NXPH1: variants seen among roughly 807,000 people sequenced by gnomAD.
NXPH1 encodes the protein neurexophilin 1.
A neutral mutation model predicts 23.7 loss-of-function variants in NXPH1; 5 were observed. The ratio of observed to expected loss-of-function variants is 0.21; its 90% CI spans 0.11 to 0.44. The LOEUF (loss-of-function observed/expected upper bound fraction) is 0.44. Among genes scored for constraint, NXPH1 ranks in the 20% least tolerant of loss-of-function variants. The pLI is 0.99. For missense variants in NXPH1, 324 were observed against 321.6 expected, an observed-to-expected ratio of 1.01 and a Z score of -0.06; for synonymous variants, 144 against 122.2, an observed-to-expected ratio of 1.18 and a Z score of -1.18.
intron 2 of NXPH1, among the ~76,000 whole-genome samples, chr7:8,546,992 A>T (rs925764521): frequency 6.6e-6 from 1 of 151,460 alleles, no homozygotes; most frequent in Non-Finnish European, 1.5e-5. Context: ...TAATCACTTG[A>T]AATGGGTCAG....
intron 2 of NXPH1, among the ~76,000 whole-genome samples, chr7:8,524,419 T>G (rs10231666): frequency 2.0e-5 from 3 of 151,772 alleles, no homozygotes; most frequent in African/African-American, 7.3e-5. Context: ...ACAGGAGTCT[T>G]TCTGCAGGAT....
intron 2 of NXPH1, among the ~76,000 whole-genome samples, chr7:8,635,792 T>C (rs1457933048): frequency 6.6e-6 from 1 of 152,248 alleles, no homozygotes; most frequent in Non-Finnish European, 1.5e-5. Flanking sequence ...TTTTCTTTTT[T>C]TGACAATTAA....
chr7:8,672,878 C>A (rs996410528), intron 2 of NXPH1, among the ~76,000 whole-genome samples: 1 of 152,148 alleles, frequency 6.6e-6, no homozygotes, highest in African/African-American at 2.4e-5. Flanking sequence ...GTTCTTTCCC[C>A]TGTGTGCTGC....
chr7:8,436,053 A>C (rs1434686342), intron 2 of NXPH1, among the ~76,000 whole-genome samples: 2 of 152,184 alleles, frequency 1.3e-5, no homozygotes, highest in African/African-American at 4.8e-5. Flanking sequence ...GGGGTGCTTT[A>C]TGTGATAGAG....
At chr7:8,718,332 A>G (rs1034027944) in intron 2 of NXPH1, among the ~76,000 whole-genome samples, 3 of 152,208 alleles carry the variant, frequency 2.0e-5, no homozygotes, top group Non-Finnish European at 4.4e-5. Flanking sequence ...AAGTAGGCTT[A>G]GAGCAGTGTA....
intron 2 of NXPH1, among the ~76,000 whole-genome samples, chr7:8,705,482 C>A (rs1779688183): frequency 6.6e-6 from 1 of 152,168 alleles, no homozygotes; most frequent in Non-Finnish European, 1.5e-5. Flanking sequence ...AGTGCCACCA[C>A]CAAAAGCTTG....
At chr7:8,641,289 T>G (rs1820305347) in intron 2 of NXPH1, among the ~76,000 whole-genome samples, 1 of 152,156 alleles carries the variant, frequency 6.6e-6, no homozygotes, top group South Asian at 2.1e-4. Context: ...TATTAAATAA[T>G]AAAAAAGAGT....
intron 2 of NXPH1, among the ~76,000 whole-genome samples, chr7:8,569,888 G>A (rs1433509314): frequency 6.6e-6 from 1 of 151,858 alleles, no homozygotes; most frequent in East Asian, 1.9e-4. Flanking sequence ...GTGTCTATGG[G>A]CATTCACCTC....
In NXPH1 at chr7:8,751,119, A is replaced by G. The variant is rs1248481587; in HGVS notation, c.166A>G (p.Ser56Gly). Residue 56 changes from serine (S) to glycine (G), a missense_variant, in exon 3 of 3, where the codon AGC (serine) becomes GGC (glycine). Physicochemically the swap from Ser to Gly is moderately conservative, Grantham distance 56 (BLOSUM62 0). Coordinates refer to ENST00000405863, the MANE Select transcript of NXPH1 (RefSeq NM_152745.3). The surrounding 1 kb of genome is among the most constrained non-coding windows in gnomAD (Gnocchi z 4.5). Reference protein sequence around the residue: ...WTESSKDLSISRLLSQTFRGK... With the variant: ...WTESSKDLSIGRLLSQTFRGK... ...AGAAAGCAGCAAAGACTTGTCTATC[A>G]GCCGACTCCTGTCACAGACTTTTCG... 2 of 1,613,858 alleles carry G rather than the reference A, an allele frequency of 1.2e-6. No homozygotes were observed. The highest frequency in any genetic ancestry group is 1.7e-6 in the Non-Finnish European group (2 of 1,179,784).
intron 2 of NXPH1, among the ~76,000 whole-genome samples, chr7:8,494,614 C>T (rs1307739172): frequency 2.6e-5 from 4 of 152,002 alleles, no homozygotes; most frequent in Non-Finnish European, 5.9e-5. Flanking sequence ...TTTTTCCCTA[C>T]CTCCAAATAC....
intron 2 of NXPH1, among the ~76,000 whole-genome samples, chr7:8,563,999 A>G (rs997503809): frequency 2.6e-5 from 4 of 151,846 alleles, no homozygotes; most frequent in African/African-American, 9.7e-5. Context: ...AGGGTAGAAT[A>G]TATGCAAAGA....
At chr7:8,573,803 A>G (rs1013194518) in intron 2 of NXPH1, among the ~76,000 whole-genome samples, 2 of 152,152 alleles carry the variant, frequency 1.3e-5, no homozygotes, top group African/African-American at 4.8e-5. Flanking sequence ...CAAAATTTGA[A>G]TGTCTGGAAA....
At chr7:8,451,579 A>C (rs1203273170) in intron 2 of NXPH1, among the ~76,000 whole-genome samples, 1 of 152,232 alleles carries the variant, frequency 6.6e-6, no homozygotes, top group Non-Finnish European at 1.5e-5. Context: ...GTTTGATAGT[A>C]AAAAGCATTA....
intron 2 of NXPH1, among the ~76,000 whole-genome samples, chr7:8,638,334 C>T (rs1484917643): frequency 6.6e-6 from 1 of 152,124 alleles, no homozygotes; most frequent in East Asian, 1.9e-4. Flanking sequence ...ACCACCAGCC[C>T]GTAGATGCTC....
At chr7:8,447,931 T>C (rs1421466767) in intron 2 of NXPH1, among the ~76,000 whole-genome samples, 2 of 152,196 alleles carry the variant, frequency 1.3e-5, no homozygotes, top group East Asian at 3.8e-4. Flanking sequence ...GATAATATCA[T>C]GGCACCCAAC....
At chr7:8,688,112 T>C (rs995322135) in intron 2 of NXPH1, among the ~76,000 whole-genome samples, 2 of 152,130 alleles carry the variant, frequency 1.3e-5, no homozygotes, top group Non-Finnish European at 1.5e-5. Context: ...CCATGGCATC[T>C]TGGACAAGAG....
At chr7:8,487,068 C>G (rs1410801653) in intron 2 of NXPH1, among the ~76,000 whole-genome samples, 1 of 152,038 alleles carries the variant, frequency 6.6e-6, no homozygotes, top group African/African-American at 2.4e-5. Context: ...CTTTAGAGTA[C>G]TTAACATAAT....
intron 2 of NXPH1, among the ~76,000 whole-genome samples, chr7:8,446,846 T>C (rs1816413582): frequency 6.6e-6 from 1 of 152,056 alleles, no homozygotes; most frequent in East Asian, 1.9e-4. Context: ...AAAATCATGG[T>C]GACATTTTAA....
At chr7:8,569,960 T>C (rs2128621944) in intron 2 of NXPH1, among the ~76,000 whole-genome samples, 1 of 152,028 alleles carries the variant, frequency 6.6e-6, no homozygotes, top group East Asian at 1.9e-4. Flanking sequence ...TATATGATTG[T>C]AATGAGGTTT....
Sources: gnomAD v4.1 joint callset for allele counts (sites outside exome capture counted in the v4.1 genomes callset) on GRCh38, gnomAD v4.1.1 for gene constraint, Gnocchi (gnomAD v3.1) non-coding constraint, MANE v1.5 for transcripts, NCBI Gene and HGNC (gene_info 2026-07-23, HGNC 2026-07-21) for gene names.